ATXN2: variants seen among roughly 807,000 people sequenced by gnomAD.
The protein encoded by ATXN2 is ataxin-2.
Under a neutral mutation model 138.6 loss-of-function variants are expected in ATXN2, and 37 were observed. The observed-to-expected ratio is 0.27, with a 90% CI of 0.21 to 0.35. ATXN2 has a LOEUF of 0.35. ATXN2 is among the 10% of genes least tolerant of loss of function. The pLI is 1.00. For synonymous variants in ATXN2, 549 were observed against 543.7 expected (o/e 1.01, Z -0.13); for missense variants, 1,216 against 1,480.3 (o/e 0.82, Z 2.93).
At chr12:111,555,738 A>G (rs1882355522) in intron 2 of ATXN2, 145 bp downstream of exon 2, 1 of 636,098 alleles carries the variant, frequency 1.6e-6, no homozygotes, top group African/African-American at 1.9e-5. Context: ...AAAAACACAT[A>G]TAGGCTAATA....
intron 1 of ATXN2, among the ~76,000 whole-genome samples, chr12:111,582,977 G>GT (rs1194475672): frequency 8.0e-4 from 87 of 109,344 alleles, no homozygotes; most frequent in Admixed American, 8.8e-4. Flanking sequence ...CAGTATCTCA[G>GT]TTTTTTTTTT....
chr12:111,513,043 G>A (rs1879636266), intron 11 of ATXN2: 1 of 277,660 alleles, frequency 3.6e-6, no homozygotes, highest in Non-Finnish European at 6.7e-6. Flanking sequence ...AAACTTTATA[G>A]TTTTACAATA....
rs34625134 is a variant in ATXN2 at position 111,562,720 on chromosome 12, CAAAAAAAAAAAA to C, written c.252-6813_252-6802del. ...GGGCAATAAGAGCGAAACTCCATCT[CAAAAAAAAAAAA>C]AAAAAAAAAAAAATGTAGACAGAAT... On this transcript the variant is annotated intron_variant, in intron 1 of 24. Transcript: ENST00000673436. 2.9e-4 allele frequency among the ~76,000 whole-genome samples: 16 copies of C among 55,990 alleles called. 1 individual carries two copies. The South Asian group carries it at 9.3e-3, about 32-fold the overall frequency. 36.7% of individuals were successfully genotyped at this position (55,990 alleles called of 152,430 possible).
Position 111,509,963 on chromosome 12 carries a change from A to G in ATXN2, c.1792T>C (p.Ser598Pro). ...ATATTTTCTTTATTCCCTGCAGGAG[A>G]GTTCTGCCTCTGATCTTGAAGCCTG... ...DSRLQDQRQN[S>P]PAGNKENIKP... The change falls in exon 13 of 25, where the codon TCT becomes CCT. Residue 598 changes from serine to proline, a missense_variant. Around this residue, in one of 4 missense-constraint regions of ATXN2, gnomAD observed 215 missense variants for 210.0 expected, o/e 1.02. Coordinates refer to ENST00000673436, the MANE Select transcript of ATXN2 (RefSeq NM_001372574.1). The G allele has an allele frequency of 6.2e-7, 1 of 1,612,082 alleles. No individual in the cohort carries two copies. Among genetic ancestry groups the G allele is most frequent in the Non-Finnish European group, 8.5e-7 (1 of 1,179,222 alleles).
chr12:111,457,455 A>G (rs1875197385), intron 21 of ATXN2, 96 bp from the exon 22 acceptor site: 2 of 1,388,410 alleles, frequency 1.4e-6, no homozygotes, highest in Non-Finnish European at 1.9e-6. Context: ...TGATGGTTAC[A>G]ATGCATAACT....
At chr12:111,519,808 A>G in intron 8 of ATXN2, 71 bp downstream of exon 8, 1 of 1,603,514 alleles carries the variant, frequency 6.2e-7, no homozygotes, top group Non-Finnish European at 8.5e-7. Context: ...GAAATATAAT[A>G]ACAATACACC....
At chr12:111,534,867 A>G (rs1444487426) in intron 5 of ATXN2, among the ~76,000 whole-genome samples, 3 of 152,110 alleles carry the variant, frequency 2.0e-5, no homozygotes, top group Non-Finnish European at 4.4e-5. Context: ...GGGCATGGTG[A>G]CTCACACCTG....
At chr12:111,548,669 A>T (rs1881964267) in intron 5 of ATXN2, among the ~76,000 whole-genome samples, 1 of 152,220 alleles carries the variant, frequency 6.6e-6, no homozygotes. Context: ...CTATCAAATG[A>T]TAACAGCAGA....
intron 1 of ATXN2, among the ~76,000 whole-genome samples, chr12:111,568,042 T>C (rs1883112533): frequency 6.6e-6 from 1 of 151,684 alleles, no homozygotes; most frequent in Non-Finnish European, 1.5e-5. Context: ...AGGTGGATTA[T>C]CTGAGGTCAG....
chr12:111,489,491 T>G (rs1045926802), intron 14 of ATXN2, among the ~76,000 whole-genome samples: 7 of 151,932 alleles, frequency 4.6e-5, no homozygotes, highest in African/African-American at 1.7e-4. Flanking sequence ...CAGGCGCCTA[T>G]AGTCCCTGCT....
At chr12:111,465,922 T>C (rs1209851964) in intron 20 of ATXN2, among the ~76,000 whole-genome samples, 1 of 151,702 alleles carries the variant, frequency 6.6e-6, no homozygotes, top group Non-Finnish European at 1.5e-5. Context: ...TCCCAGCACT[T>C]TGGGAGGCTG....
intron 1 of ATXN2, among the ~76,000 whole-genome samples, chr12:111,586,237 G>A (rs1258372456): frequency 6.8e-6 from 1 of 146,308 alleles, no homozygotes; most frequent in Non-Finnish European, 1.5e-5. Context: ...TTTTTTTTGA[G>A]ACAGAGTCTC....
In ATXN2 at chr12:111,467,307, CTTTTTTTTTTTT is replaced by C. The variant is rs61507608; in HGVS notation, c.2843-2604_2843-2593del. Among the ~76,000 whole-genome samples, 122 of 34,826 alleles carry C rather than the reference CTTTTTTTTTTTT, an allele frequency of 3.5e-3. 1 individual carries two copies. The highest frequency in any genetic ancestry group is 0.022 in the Admixed American group (75 of 3,384). The allele number at this position is 34,826 out of a possible 152,430, so 22.8% of individuals were successfully genotyped here. A position where few individuals can be genotyped will look rare whatever the true frequency, so the allele number is the denominator to read the frequency against. ...ACAGGCATGTGCCACCATGACTGGGCTTTTTTTTTTTTTTTTTTTTTTTTTTTTTGGTAGAGA... is the reference window on the plus strand; with the variant it reads ...ACAGGCATGTGCCACCATGACTGGGCTTTTTTTTTTTTTTTTTGGTAGAGA... On this transcript the variant is annotated intron_variant, in intron 20 of 24. Transcript: ENST00000673436.
chr12:111,551,288 T>G (rs1214045100), intron 5 of ATXN2, among the ~76,000 whole-genome samples: 3 of 128,528 alleles, frequency 2.3e-5, no homozygotes, highest in African/African-American at 9.4e-5. Flanking sequence ...AGAACAAGAC[T>G]CCGTCTCAAA....
At chr12:111,493,775 C>T (rs1267060957) in intron 14 of ATXN2, among the ~76,000 whole-genome samples, 3 of 151,620 alleles carry the variant, frequency 2.0e-5, no homozygotes, top group Non-Finnish European at 4.4e-5. Context: ...ATTACAGGTG[C>T]GTGCCACCAC....
chr12:111,455,573 T>C, intron 23 of ATXN2: 2 of 282,086 alleles, frequency 7.1e-6, no homozygotes, highest in Non-Finnish European at 6.9e-6. Context: ...TGGAGAGATG[T>C]GTCTGGAACT....
At chr12:111,559,290 G>A (rs924054822) in intron 1 of ATXN2, among the ~76,000 whole-genome samples, 4 of 151,304 alleles carry the variant, frequency 2.6e-5, no homozygotes, top group South Asian at 2.1e-4. Flanking sequence ...TAGTAGAGAC[G>A]GGGTTTCACC....
intron 20 of ATXN2, among the ~76,000 whole-genome samples, chr12:111,466,035 G>A (rs376418024): frequency 1.4e-4 from 21 of 151,530 alleles, no homozygotes; most frequent in Admixed American, 1.1e-3. Flanking sequence ...GTGTGGTGGC[G>A]GGCACCTGTA....
At position 111,453,780 on chromosome 12, in the gene ATXN2, C is replaced by T; in HGVS notation, c.3336G>A (p.Thr1112=). 2 of 1,614,094 alleles carry T rather than the reference C, an allele frequency of 1.2e-6. No homozygotes were observed. Among genetic ancestry groups the T allele is most frequent in the Non-Finnish European group, 1.7e-6 (2 of 1,179,996 alleles). Reference sequence around the variant, plus strand: ...CCTGGGGACCGCCGGGTGGCTGTGTCGTCATTAGCATCATTGGCGCATGGG... The same window carrying T: ...CCTGGGGACCGCCGGGTGGCTGTGTTGTCATTAGCATCATTGGCGCATGGG... ...PTAHAPMMLM[T]TQPPGGPQAA... Residue 1112 remains threonine, a synonymous_variant, in exon 24 of 25, where the codon ACG becomes ACA. Transcript: ENST00000673436. The surrounding 1 kb of genome is among the most constrained non-coding windows in gnomAD (Gnocchi z 5.4).
Sources: allele counts gnomAD v4.1 joint callset (sites outside exome capture counted in the v4.1 genomes callset), GRCh38; gene constraint gnomAD v4.1.1; regional missense constraint gnomAD v4.1.1; non-coding constraint Gnocchi (gnomAD v3.1); transcripts MANE v1.5; gene names NCBI Gene and HGNC (gene_info 2026-07-23, HGNC 2026-07-21).